Variants in GPHN observed in about 807,000 individuals in gnomAD.
The protein encoded by GPHN is gephyrin.
Under a neutral mutation model 95.5 loss-of-function variants are expected in GPHN, and 17 were observed. The observed-to-expected ratio is 0.18, with a 90% CI of 0.12 to 0.27. GPHN has a LOEUF of 0.27. GPHN is among the 10% of genes least tolerant of loss of function. GPHN has a pLI of 1.00. For missense variants in GPHN, 660 were observed against 978.1 expected, an observed-to-expected ratio of 0.67 and a Z score of 4.34; for synonymous variants, 320 against 322.5, an observed-to-expected ratio of 0.99 and a Z score of 0.08.
At chr14:67,683,997 T>C in the GPHN span, among the ~76,000 whole-genome samples, 1 of 152,360 alleles carries the variant, frequency 6.6e-6, no homozygotes, top group East Asian at 1.9e-4. Context: ...CATCCCCTCA[T>C]TTAATTAATC....
the GPHN span, among the ~76,000 whole-genome samples, chr14:67,721,449 T>C: frequency 6.6e-6 from 1 of 152,150 alleles, no homozygotes; most frequent in East Asian, 1.9e-4. Context: ...TCTCACTAAG[T>C]TGCCTAAGCT....
the GPHN span, among the ~76,000 whole-genome samples, chr14:67,711,683 T>A: frequency 6.6e-6 from 1 of 152,188 alleles, no homozygotes; most frequent in Non-Finnish European, 1.5e-5. Context: ...GACTTCCAGA[T>A]TCTTGATAAC....
chr14:67,037,542 A>G (rs1238047322), intron 10 of GPHN, among the ~76,000 whole-genome samples: 1 of 152,014 alleles, frequency 6.6e-6, no homozygotes, highest in African/African-American at 2.4e-5. Context: ...ATTGCAAATC[A>G]TATATCTGAT....
At chr14:67,413,888 G>T in the GPHN span, among the ~76,000 whole-genome samples, 2 of 152,222 alleles carry the variant, frequency 1.3e-5, no homozygotes, top group Non-Finnish European at 2.9e-5. Context: ...TGTTTATTAT[G>T]TCATTTTCCA....
intron 5 of GPHN, among the ~76,000 whole-genome samples, chr14:66,900,785 T>G (rs1402657173): frequency 2.0e-5 from 3 of 152,098 alleles, no homozygotes; most frequent in African/African-American, 7.2e-5. Context: ...TATCCATTTG[T>G]ATGTTCACTG....
chr14:67,147,441 T>C (rs1470016481), intron 18 of GPHN, among the ~76,000 whole-genome samples: 1 of 152,206 alleles, frequency 6.6e-6, no homozygotes, highest in Non-Finnish European at 1.5e-5. Context: ...ACCAATAATA[T>C]CAGAATAGAA....
intron 1 of GPHN, among the ~76,000 whole-genome samples, chr14:66,572,422 G>T (rs1326162524): frequency 1.3e-5 from 2 of 151,894 alleles, no homozygotes; most frequent in Non-Finnish European, 2.9e-5. Context: ...ATTTTTTTGT[G>T]TGCGTGTTTC....
chr14:67,003,325 T>TA lies in GPHN; in HGVS notation c.964-20306dup, dbSNP rs1646151481. Among the ~76,000 whole-genome samples the TA allele has an allele frequency of 8.6e-5, 13 of 151,900 alleles. No homozygotes were observed. In the South Asian group the frequency reaches 2.7e-3, roughly 31 times the overall value. On this transcript the variant is annotated intron_variant, in intron 9 of 22. Transcript: ENST00000478722. ...CTAGATTTCTAGACTAGTGTTCATA[T>TA]AACTCTTAATTAGCTGATATTACAC...
the GPHN span, chr14:67,303,570 A>G: frequency 7.4e-6 from 12 of 1,613,686 alleles, no homozygotes; most frequent in Non-Finnish European, 9.3e-6. Context: ...CAGTCAACAG[A>G]TCAAGCCGCC....
intron 2 of GPHN, among the ~76,000 whole-genome samples, chr14:66,756,373 A>C (rs1024118622): frequency 6.6e-6 from 1 of 152,040 alleles, no homozygotes; most frequent in East Asian, 1.9e-4. Context: ...TCATTCCTCC[A>C]TATCCACAGG....
the GPHN span, chr14:67,589,558 G>A: frequency 2.0e-6 from 2 of 985,378 alleles, no homozygotes; most frequent in Non-Finnish European, 2.4e-6. Context: ...TGGAAGATCT[G>A]TTTATTAACA....
chr14:67,387,272 A>G, the GPHN span: 6 of 1,548,374 alleles, frequency 3.9e-6, no homozygotes, highest in Non-Finnish European at 5.2e-6. Flanking sequence ...ATTCTCCAGG[A>G]ACTCTTGTCT....
At chr14:67,288,644 A>G in the GPHN span, among the ~76,000 whole-genome samples, 1 of 152,128 alleles carries the variant, frequency 6.6e-6, no homozygotes, top group Admixed American at 6.5e-5. Flanking sequence ...TTTAAGTGTT[A>G]TCCTATTTTG....
At chr14:67,437,352 G>A in the GPHN span, among the ~76,000 whole-genome samples, 1 of 152,188 alleles carries the variant, frequency 6.6e-6, no homozygotes, top group African/African-American at 2.4e-5. Context: ...ACAGCGATGG[G>A]AAATAAGTGG....
chr14:67,058,820 C>A (rs1567272900), intron 11 of GPHN, 34 bp downstream of exon 11: 1 of 1,595,028 alleles, frequency 6.3e-7, no homozygotes, highest in East Asian at 2.2e-5. Context: ...CCTTTCTTTT[C>A]TTCATTTTTT....
chr14:67,281,006 C>A, the GPHN span, among the ~76,000 whole-genome samples: 1 of 151,556 alleles, frequency 6.6e-6, no homozygotes, highest in East Asian at 1.9e-4. Context: ...TCAAGTGATT[C>A]TCCTGCCTTA....
At chr14:66,668,903 CAG>C (rs1225179091) in intron 1 of GPHN, among the ~76,000 whole-genome samples, 4 of 146,690 alleles carry the variant, frequency 2.7e-5, no homozygotes, top group East Asian at 2.1e-4. Context: ...TTTTTTGAGA[CAG>C]AGTGTCGCAC....
the GPHN span, among the ~76,000 whole-genome samples, chr14:67,253,689 A>T: frequency 6.6e-5 from 10 of 152,158 alleles, no homozygotes; most frequent in Non-Finnish European, 1.3e-4. Flanking sequence ...TACAAAAAAT[A>T]CAAAAAAATT....
intron 1 of GPHN, among the ~76,000 whole-genome samples, chr14:66,642,744 A>G (rs1367493725): frequency 6.6e-6 from 1 of 152,104 alleles, no homozygotes; most frequent in African/African-American, 2.4e-5. Context: ...TACCTGATTT[A>G]TGACTGATTT....
Sources: allele counts gnomAD v4.1 joint callset (sites outside exome capture counted in the v4.1 genomes callset), GRCh38; gene constraint gnomAD v4.1.1; transcripts MANE v1.5; gene names NCBI Gene and HGNC (gene_info 2026-07-23, HGNC 2026-07-21).